Variants in CD37 observed in about 807,000 individuals in gnomAD.
CD37 encodes CD37 molecule.
Under a neutral mutation model 38.9 loss-of-function variants are expected in CD37, and 37 were observed. That is an observed-to-expected ratio of 0.95 (90% CI 0.73 to 1.25). CD37 has a LOEUF of 1.25. Ranked by LOEUF, CD37 falls within the 50% of genes most tolerant of loss-of-function variation. The pLI is 0.00. For synonymous variants in CD37, 146 were observed against 150.1 expected, an observed-to-expected ratio of 0.97 and a Z score of 0.20; for missense variants, 351 against 360.1, an observed-to-expected ratio of 0.97 and a Z score of 0.20.
At chr19:49,337,276 A>G (rs1970993506) in intron 4 of CD37, 55 bp downstream of exon 4, 1 of 1,535,504 alleles carries the variant, frequency 6.5e-7, no homozygotes, top group South Asian at 1.1e-5. Context: ...GAGGGAAGGG[A>G]GTGGTGGGAG....
chr19:49,337,674 A>AG, intron 4 of CD37: 1 of 1,524,608 alleles, frequency 6.6e-7, no homozygotes, highest in Non-Finnish European at 8.8e-7. Flanking sequence ...ACAGCTCCAA[A>AG]GGGAAACACA....
chr19:49,338,000 G>T lies in CD37; in HGVS notation c.418G>T (p.Glu140Ter). ...YGTNPEETAA[E>*]ESWDYVQFQL... ...CACCAACCCCGAGGAGACCGCGGCC[G>T]AGGAGAGCTGGGACTATGTGCAGTT... is the stretch of plus-strand genomic sequence containing the variant. Residue 140 changes from glutamate (E) to a stop codon, truncating the protein, a stop_gained, in exon 5 of 8, where the codon GAG becomes TAG. Transcript: ENST00000323906. LOFTEE classifies it high-confidence loss of function. 6.2e-7 allele frequency: 1 copy of T among 1,614,018 alleles called. No homozygotes were observed.
chr19:49,337,046 T>C lies in CD37; in HGVS notation c.267+13T>C. 1 of 1,613,130 alleles carries C rather than the reference T, an allele frequency of 6.2e-7. No individual in the cohort carries two copies. The highest frequency in any genetic ancestry group is 2.2e-5 in the East Asian group (1 of 44,870). ...CCTCCTGGGCCTGGTGAGTGCACCA[T>C]CCCTCTCCGTCCCTAGGAACACTCC... On this transcript the variant is annotated intron_variant, in intron 3 of 7. Coordinates refer to ENST00000323906, the MANE Select transcript of CD37 (RefSeq NM_001774.3).
intron 2 of CD37, chr19:49,336,573 GAAAT>G (rs1970964607): frequency 4.5e-6 from 1 of 222,966 alleles, no homozygotes. Flanking sequence ...AAAACCCTAA[GAAAT>G]AGATATCATC....
rs1971198408 is a variant in CD37 at position 49,340,602 on chromosome 19, T to TA, written c.*278dup. 5 of 577,120 alleles carry TA rather than the reference T, an allele frequency of 8.7e-6. No individual in the cohort carries two copies. Among genetic ancestry groups the TA allele is most frequent in the Non-Finnish European group, 1.6e-5 (5 of 322,236 alleles). The allele number at this position is 577,120 out of a possible 1,614,324, so 35.7% of individuals were successfully genotyped here. A position where few individuals can be genotyped will look rare whatever the true frequency, so the allele number is the denominator to read the frequency against. On this transcript the variant is annotated 3_prime_UTR_variant, in exon 8 of 8. Transcript: ENST00000323906. ...TCAAATAAATCCCCTGCGTTTTTGG[T>TA]AAAATAGCTTTATCCTCTGTCAGAA... is the stretch of plus-strand genomic sequence containing the variant.
rs1568553235 is a variant in CD37, at chr19:49,340,323, CGTTAGGCCCCGCCCTCCCCAAA to C, written c.844_*19del. On this transcript the variant is annotated stop_lost and 3_prime_UTR_variant, in exon 8 of 8. Transcript: ENST00000323906. Reference sequence around the variant, plus strand: ...CGTCTACAACCGGCTCGCTCGATACCGTTAGGCCCCGCCCTCCCCAAAGTCCCGCCCCGCCCCCGTCACGTGC... The same window carrying C: ...CGTCTACAACCGGCTCGCTCGATACCGTCCCGCCCCGCCCCCGTCACGTGC... 6.2e-7 allele frequency: 1 copy of C among 1,611,072 alleles called. No homozygotes were observed. The highest frequency in any genetic ancestry group is 1.7e-5 in the Admixed American group (1 of 60,020).
chr19:49,337,264 G>A lies in CD37; in HGVS notation c.342+43G>A, dbSNP rs567174919. 140 of 1,575,162 alleles carry A rather than the reference G, an allele frequency of 8.9e-5. 4 individuals are homozygous for A. The South Asian group carries it at 1.5e-3, about 17-fold the overall frequency. The stretch of plus-strand genomic sequence containing the variant: ...GCCACCACCCACCCCCAGCAGGGAG[G>A]AGAGGGAAGGGAGTGGTGGGAGAGG... On this transcript the variant is annotated intron_variant, in intron 4 of 7. Coordinates refer to ENST00000323906, the MANE Select transcript of CD37 (RefSeq NM_001774.3).
chr19:49,337,876 AG>A (rs1600673808), intron 4 of CD37, 48 bp from the exon 5 acceptor site: 1 of 1,007,064 alleles, frequency 9.9e-7, no homozygotes, highest in Non-Finnish European at 1.5e-6. Flanking sequence ...TGAGAGGGGG[AG>A]GGGTGGGGCG....
In CD37 at chr19:49,335,688, C is replaced by T. The variant is rs758946469; in HGVS notation, c.70-26C>T. On this transcript the variant is annotated intron_variant, in intron 1 of 7. Coordinates refer to ENST00000323906, the MANE Select transcript of CD37 (RefSeq NM_001774.3). The surrounding 1 kb of genome is among the most constrained non-coding windows in gnomAD (Gnocchi z 4.6). ...CCCTCATCTTCCCCTGTGGCCCACC[C>T]CCGTATCCGCATCTCCTCTCCCCAG... 6.2e-7 allele frequency: 1 copy of T among 1,613,286 alleles called. No individual in the cohort carries two copies. The highest frequency in any genetic ancestry group is 1.1e-5 in the South Asian group (1 of 91,080).
chr19:49,337,074 T>TC (rs1275595879), intron 3 of CD37, 41 bp downstream of exon 3: 1 of 1,613,840 alleles, frequency 6.2e-7, no homozygotes, highest in Non-Finnish European at 8.5e-7. Context: ...AACACTCCTA[T>TC]CCCCACCCTC....
Position 49,340,594 on chromosome 19 carries a change from G to A in CD37, c.*266G>A. On this transcript the variant is annotated 3_prime_UTR_variant, in exon 8 of 8. Coordinates refer to ENST00000323906, the MANE Select transcript of CD37 (RefSeq NM_001774.3). ...CCCAAACCTCAAATAAATCCCCTGC[G>A]TTTTTGGTAAAATAGCTTTATCCTC... 1 of 584,402 alleles carries A rather than the reference G, an allele frequency of 1.7e-6. No individual in the cohort carries two copies. The highest frequency in any genetic ancestry group is 3.1e-6 in the Non-Finnish European group (1 of 326,860). The allele number at this position is 584,402 out of a possible 1,614,324, so 36.2% of individuals were successfully genotyped here.
At chr19:49,336,809 C>T (rs532549202) in intron 2 of CD37, 100 bp from the exon 3 acceptor site, 1 of 1,323,264 alleles carries the variant, frequency 7.6e-7, no homozygotes, top group African/African-American at 1.5e-5. Context: ...GAGAGGGGCA[C>T]CAAGATACTG....
chr19:49,339,768 T>C lies in CD37; in HGVS notation c.768+355T>C. The C allele has an allele frequency of 2.2e-6, 3 of 1,378,082 alleles. No homozygotes were observed. The highest frequency in any genetic ancestry group is 2.8e-6 in the Non-Finnish European group (3 of 1,068,114). 85.4% of individuals were successfully genotyped at this position (1,378,082 alleles called of 1,614,324 possible). A position where few individuals can be genotyped will look rare whatever the true frequency, so the allele number is the denominator to read the frequency against. On this transcript the variant is annotated intron_variant, in intron 7 of 7. Transcript: ENST00000323906. This position sits in a 1 kb window ranked among gnomAD's most constrained non-coding sequence, Gnocchi z 4.5. ...CGAGCCCCGGGCCCAGCCTGATCGC[T>C]GACGGCGGCGGCGGGCACAGCGGCA...
At chr19:49,336,852 T>C in intron 2 of CD37, 57 bp from the exon 3 acceptor site, 1 of 1,591,262 alleles carries the variant, frequency 6.3e-7, no homozygotes, top group Non-Finnish European at 8.6e-7. Context: ...AGGTGGGAAA[T>C]GGGGCTGCCT....
chr19:49,338,510 C>T lies in CD37; in HGVS notation c.448-190C>T, dbSNP rs1971045640. ...CCAGGTCACCCCGTGACTCGTCTTTCCCAGCCCCATGTTCCCGTAATGTCC... is the reference window on the plus strand; with the variant it reads ...CCAGGTCACCCCGTGACTCGTCTTTTCCAGCCCCATGTTCCCGTAATGTCC... On this transcript the variant is annotated intron_variant, in intron 5 of 7. Coordinates refer to ENST00000323906, the MANE Select transcript of CD37 (RefSeq NM_001774.3). The surrounding 1 kb of genome is among the most constrained non-coding windows in gnomAD (Gnocchi z 5.0). Among the ~76,000 whole-genome samples, 1 of 152,048 alleles carries T rather than the reference C, an allele frequency of 6.6e-6. No homozygotes were observed. Among genetic ancestry groups the T allele is most frequent in the Non-Finnish European group, 1.5e-5 (1 of 67,996 alleles).
In CD37 at chr19:49,339,501, G is replaced by A; in HGVS notation, c.768+88G>A. On this transcript the variant is annotated intron_variant, in intron 7 of 7. Coordinates refer to ENST00000323906, the MANE Select transcript of CD37 (RefSeq NM_001774.3). The surrounding 1 kb of genome is among the most constrained non-coding windows in gnomAD (Gnocchi z 4.5). ...TTCGCGTCCTTCGGTTGCCTGGGAAGGACGAGCTCAGGGCGGAGCGCAGCC... is the reference window on the plus strand; with the variant it reads ...TTCGCGTCCTTCGGTTGCCTGGGAAAGACGAGCTCAGGGCGGAGCGCAGCC... 1 of 1,535,124 alleles carries A rather than the reference G, an allele frequency of 6.5e-7. No homozygotes were observed. Among genetic ancestry groups the A allele is most frequent in the Non-Finnish European group, 8.9e-7 (1 of 1,123,372 alleles).
rs1346349133 is a variant in CD37, at chr19:49,339,973, G to T, written c.769-278G>T. Reference sequence around the variant, plus strand: ...GGCACAATTAGAGGCTGAGGCAGAGGGGGAAGACAGATGAGCCTCCAAAAT... The same window carrying T: ...GGCACAATTAGAGGCTGAGGCAGAGTGGGAAGACAGATGAGCCTCCAAAAT... On this transcript the variant is annotated intron_variant, in intron 7 of 7. Transcript: ENST00000323906. The surrounding 1 kb of genome is among the most constrained non-coding windows in gnomAD (Gnocchi z 4.5). The T allele has an allele frequency of 1.4e-6, 2 of 1,423,752 alleles. No individual in the cohort carries two copies. The highest frequency in any genetic ancestry group is 1.4e-5 in the African/African-American group (1 of 69,540). The allele number at this position is 1,423,752 out of a possible 1,614,324, so 88.2% of individuals were successfully genotyped here.
rs1011133873 is a variant in CD37 at position 49,338,344 on chromosome 19, C to T, written c.447+315C>T. 6.4e-6 allele frequency: 4 copies of T among 628,846 alleles called. No homozygotes were observed. Among genetic ancestry groups the T allele is most frequent in the Non-Finnish European group, 7.9e-6 (3 of 378,446 alleles). The allele number at this position is 628,846 out of a possible 1,614,324, so 39.0% of individuals were successfully genotyped here. ...GACACGGCTTCCTACCCCGTAGTGA[C>T]TCTGGCTTCCACCGGACCCCGCCCC... On this transcript the variant is annotated intron_variant, in intron 5 of 7. Transcript: ENST00000323906. This position sits in a 1 kb window ranked among gnomAD's most constrained non-coding sequence, Gnocchi z 5.0.
At position 49,338,952 on chromosome 19, in the gene CD37, G is replaced by A; in HGVS notation, c.684+16G>A. 6.2e-7 allele frequency: 1 copy of A among 1,600,778 alleles called. No homozygotes were observed. Among genetic ancestry groups the A allele is most frequent in the Non-Finnish European group, 8.6e-7 (1 of 1,168,682 alleles). The stretch of plus-strand genomic sequence containing the variant: ...CTACCGCGAGGTGGGCAGGGGTTCG[G>A]AGCATAAACCTGTCGAATGGGGCGG... On this transcript the variant is annotated intron_variant, in intron 6 of 7. Transcript: ENST00000323906. This position sits in a 1 kb window ranked among gnomAD's most constrained non-coding sequence, Gnocchi z 5.0.
Sources: gnomAD v4.1 joint callset for allele counts (sites outside exome capture counted in the v4.1 genomes callset) on GRCh38, gnomAD v4.1.1 for gene constraint, Gnocchi (gnomAD v3.1) non-coding constraint, MANE v1.5 for transcripts, NCBI Gene and HGNC (gene_info 2026-07-23, HGNC 2026-07-21) for gene names.